Variants in ULK1 observed in about 807,000 individuals in gnomAD.
The protein encoded by ULK1 is unc-51 like autophagy activating kinase 1.
ULK1 carries 48 observed loss-of-function variants against 117.5 expected under a neutral mutation model. That is an observed-to-expected ratio of 0.41 (90% CI 0.32 to 0.52). The LOEUF (loss-of-function observed/expected upper bound fraction) is 0.52. ULK1 is among the 20% of genes least tolerant of loss of function. The pLI is 0.29. For missense variants in ULK1, 1,387 were observed against 1,473.4 expected (o/e 0.94, Z 0.96); for synonymous variants, 790 against 637.8 (o/e 1.24, Z -3.60).
intron 10 of ULK1, 51 bp downstream of exon 10, chr12:131,910,052 A>T (rs1566119934): frequency 6.2e-7 from 1 of 1,602,504 alleles, no homozygotes; most frequent in African/African-American, 1.3e-5. Context: ...CCTTCCTTGC[A>T]TTTGCTGATG....
At chr12:131,908,186 G>T (rs1436530900) in intron 5 of ULK1, among the ~76,000 whole-genome samples, 2 of 152,148 alleles carry the variant, frequency 1.3e-5, no homozygotes, top group Non-Finnish European at 2.9e-5. Context: ...GACAGGACCC[G>T]CTGGCCCCCT....
intron 3 of ULK1, among the ~76,000 whole-genome samples, chr12:131,905,094 C>G (rs1425593398): frequency 6.6e-6 from 1 of 152,150 alleles, no homozygotes; most frequent in East Asian, 1.9e-4. Context: ...CCCACCTTCT[C>G]TAGGCTGTGC....
In ULK1 at chr12:131,903,835, C is replaced by A. The variant is rs1566115645; in HGVS notation, c.247-3057C>A. 6.6e-6 allele frequency among the ~76,000 whole-genome samples: 1 copy of A among 152,106 alleles called. No individual in the cohort carries two copies. The highest frequency in any genetic ancestry group is 2.4e-5 in the African/African-American group (1 of 41,424). On this transcript the variant is annotated intron_variant, in intron 3 of 27. Coordinates refer to ENST00000321867, the MANE Select transcript of ULK1 (RefSeq NM_003565.4). The surrounding 1 kb of genome is among the most constrained non-coding windows in gnomAD (Gnocchi z 6.0). ...GCCCACTCCCTCCTGGGAGCTGGTG[C>A]CCCCTGAGGTTTTGGGGACAGAGGA...
intron 12 of ULK1, among the ~76,000 whole-genome samples, 192 bp downstream of exon 12, chr12:131,910,992 C>G (rs1384757349): frequency 6.6e-5 from 10 of 152,238 alleles, no homozygotes; most frequent in African/African-American, 1.9e-4. Flanking sequence ...ACCCACAGCC[C>G]TCAGGTCCCA....
chr12:131,894,635 G>C lies in ULK1; in HGVS notation c.-367G>C, dbSNP rs1038669987. On this transcript the variant is annotated 5_prime_UTR_variant, in exon 1 of 28. Coordinates refer to ENST00000321867, the MANE Select transcript of ULK1 (RefSeq NM_003565.4). Reference sequence around the variant, plus strand: ...GGCCCGGCGCGCAGTGCGGCTGCGCGGGCGTCTCAGGCTCTGAGGCCCGGG... The same window carrying C: ...GGCCCGGCGCGCAGTGCGGCTGCGCCGGCGTCTCAGGCTCTGAGGCCCGGG... 1 of 149,606 alleles carries C rather than the reference G, an allele frequency of 6.7e-6. No homozygotes were observed. Among genetic ancestry groups the C allele is most frequent in the South Asian group, 2.1e-4 (1 of 4,704 alleles). The allele number at this position is 149,606 out of a possible 1,614,324, so 9.3% of individuals were successfully genotyped here.
Position 131,919,542 on chromosome 12 carries a change from G to A in ULK1, c.2755G>A (p.Asp919Asn), listed in dbSNP as rs1487931866. Residue 919 changes from aspartate to asparagine, a missense_variant, in exon 25 of 28, where the codon GAC (aspartate) becomes AAC (asparagine). Asp to Asn is a conservative substitution (Grantham distance 23). Coordinates refer to ENST00000321867, the MANE Select transcript of ULK1 (RefSeq NM_003565.4). ...GTCCTCCGGCCTGCAAAGTGCCATC[G>A]ACCAGATCCGGGCCGGCAAGCTCTG... ...LLSSGLQSAI[D>N]QIRAGKLCLS... 26 of 1,612,080 alleles carry A rather than the reference G, an allele frequency of 1.6e-5. No individual in the cohort carries two copies. The highest frequency in any genetic ancestry group is 1.6e-4 in the Middle Eastern group (1 of 6,076).
chr12:131,916,521 G>C lies in ULK1; in HGVS notation c.2002G>C (p.Gly668Arg). 6.2e-7 allele frequency: 1 copy of C among 1,611,500 alleles called. No individual in the cohort carries two copies. The highest frequency in any genetic ancestry group is 8.5e-7 in the Non-Finnish European group (1 of 1,179,744). Reference protein sequence around the residue: ...NRTLPDLSEVGPFHGQPLGPG... With the variant: ...NRTLPDLSEVRPFHGQPLGPG... ...GACGCTGCCCGACCTCTCGGAGGTG[G>C]GACCCTTCCATGGTCAGCCGTTGGG... The change falls in exon 20 of 28, where the codon GGA becomes CGA. Residue 668 changes from glycine to arginine, a missense_variant. Transcript: ENST00000321867.
rs866623039 is a variant in ULK1 at position 131,908,808 on chromosome 12, G to A, written c.481G>A (p.Val161Ile). 3 of 1,606,006 alleles carry A rather than the reference G, an allele frequency of 1.9e-6. No homozygotes were observed. The highest frequency in any genetic ancestry group is 2.2e-5 in the East Asian group (1 of 44,638). Residue 161 changes from valine (V) to isoleucine (I), a missense_variant, in exon 6 of 28, where the codon GTC becomes ATC. Physicochemically the swap from Val to Ile is conservative, Grantham distance 29. This residue lies in a region of ULK1 where 224 missense variants were observed against 325.2 expected (regional missense o/e 0.69). Transcript: ENST00000321867. ...GRRANPNSIR[V>I]KIADFGFARY... The stretch of plus-strand genomic sequence containing the variant: ...CCGCGCCAACCCCAACAGCATCCGC[G>A]TCAAGATCGGTCAGCCCGCGGGCAG...
At chr12:131,909,475 C>T (rs1342659489) in intron 8 of ULK1, among the ~76,000 whole-genome samples, 1 of 152,096 alleles carries the variant, frequency 6.6e-6, no homozygotes, top group South Asian at 2.1e-4. Context: ...CCTGTCTGGT[C>T]GCCTGTCTAG....
At chr12:131,904,907 A>G (rs1889215140) in intron 3 of ULK1, among the ~76,000 whole-genome samples, 1 of 151,944 alleles carries the variant, frequency 6.6e-6, no homozygotes, top group Non-Finnish European at 1.5e-5. Flanking sequence ...TTCTGCCCGG[A>G]GCTGTCCCTG....
chr12:131,919,203 T>C lies in ULK1; in HGVS notation c.2512-9T>C. On this transcript the variant is annotated splice_polypyrimidine_tract_variant and intron_variant, in intron 23 of 27. Coordinates refer to ENST00000321867, the MANE Select transcript of ULK1 (RefSeq NM_003565.4). ...CAGCACTTGCCGCCCTGACGGCCGC[T>C]TCCTGCAGCAAGAGCACACGGAGAT... 6.3e-7 allele frequency: 1 copy of C among 1,589,062 alleles called. No individual in the cohort carries two copies.
intron 8 of ULK1, 123 bp downstream of exon 8, chr12:131,909,360 G>A (rs1889418955): frequency 6.1e-6 from 7 of 1,152,158 alleles, no homozygotes; most frequent in Non-Finnish European, 3.6e-6. Context: ...CCTGGCTGGC[G>A]GGGCGGGCGT....
intron 5 of ULK1, 91 bp downstream of exon 5, chr12:131,907,622 G>C (rs1593264323): frequency 2.0e-6 from 3 of 1,474,198 alleles, no homozygotes; most frequent in Non-Finnish European, 1.8e-6. Context: ...AGGCAGCCTG[G>C]CTCGAGTGGG....
Position 131,894,952 on chromosome 12 carries a change from C to A in ULK1, c.-50C>A, listed in dbSNP as rs1267359022. On this transcript the variant is annotated 5_prime_UTR_variant, in exon 1 of 28. Transcript: ENST00000321867. ...GGCCCGCGCCTCCGCCTGAGTCCCC[C>A]GCGCCTTGGCCCGCCACCCCCCGCC... 2.4e-6 allele frequency: 2 copies of A among 846,962 alleles called. No individual in the cohort carries two copies. Among genetic ancestry groups the A allele is most frequent in the South Asian group, 3.7e-5 (1 of 26,964 alleles). The allele number at this position is 846,962 out of a possible 1,614,324, so 52.5% of individuals were successfully genotyped here.
In ULK1 at chr12:131,921,100, G is replaced by A; in HGVS notation, c.2962G>A (p.Val988Met). The A allele has an allele frequency of 3.1e-6, 5 of 1,591,092 alleles. No homozygotes were observed. Among genetic ancestry groups the A allele is most frequent in the Admixed American group, 1.7e-5 (1 of 59,536 alleles). The part of the protein sequence containing the change: ...RLIFSHAVQM[V>M]QSAALDEMFQ... ...GTCCAGCCTCTGTCCTCGCCCCCAG[G>A]TGCAGTCGGCTGCCCTGGACGAGAT... Residue 988 changes from valine to methionine, a missense_variant and splice_region_variant, in exon 27 of 28, where the codon GTG becomes ATG. Around this residue, in one of 4 missense-constraint regions of ULK1, gnomAD observed 900 missense variants for 858.9 expected, o/e 1.05. Transcript: ENST00000321867.
rs932440808 is a variant in ULK1, at chr12:131,915,173, C to T, written c.1464C>T (p.Gly488=). 1.2e-5 allele frequency: 20 copies of T among 1,602,650 alleles called. No individual in the cohort carries two copies. The highest frequency in any genetic ancestry group is 3.4e-5 in the Admixed American group (2 of 58,086). The change falls in exon 17 of 28, where the codon GGC becomes GGT. Residue 488 remains glycine (G), a synonymous_variant. Coordinates refer to ENST00000321867, the MANE Select transcript of ULK1 (RefSeq NM_003565.4). ...PSPPAHAEHG[G]VLARKMSLGG... ...CCCCTGCCCACGCTGAGCATGGAGGCGTCCTGGCCAGGAAGATGTCTCTGG... is the reference window on the plus strand; with the variant it reads ...CCCCTGCCCACGCTGAGCATGGAGGTGTCCTGGCCAGGAAGATGTCTCTGG...
chr12:131,912,664 C>T (rs1013535635), intron 13 of ULK1, among the ~76,000 whole-genome samples: 1 of 152,246 alleles, frequency 6.6e-6, no homozygotes, highest in Non-Finnish European at 1.5e-5. Flanking sequence ...CATGCCGAGC[C>T]CTCCGCCTCT....
intron 5 of ULK1, among the ~76,000 whole-genome samples, chr12:131,907,893 T>C (rs1225301730): frequency 7.3e-6 from 1 of 137,350 alleles, no homozygotes; most frequent in Non-Finnish European, 1.6e-5. Flanking sequence ...GGGGATGTGC[T>C]GCACGGGGCG....
Position 131,903,058 on chromosome 12 carries a change from G to A in ULK1, c.247-3834G>A, listed in dbSNP as rs1190631068. 2.0e-5 allele frequency among the ~76,000 whole-genome samples: 3 copies of A among 152,114 alleles called. No individual in the cohort carries two copies. The highest frequency in any genetic ancestry group is 2.0e-4 in the Admixed American group (3 of 15,278). ...GGCCCAGGGGAGGTCAGCTGTGGCC[G>A]GTGAGGCTGTGCTCTCACCTGACCC... On this transcript the variant is annotated intron_variant, in intron 3 of 27. Coordinates refer to ENST00000321867, the MANE Select transcript of ULK1 (RefSeq NM_003565.4). The surrounding 1 kb of genome is among the most constrained non-coding windows in gnomAD (Gnocchi z 6.0).
Sources: gnomAD v4.1 joint callset for allele counts (sites outside exome capture counted in the v4.1 genomes callset) on GRCh38, gnomAD v4.1.1 for gene constraint, gnomAD v4.1.1 regional missense constraint, Gnocchi (gnomAD v3.1) non-coding constraint, MANE v1.5 for transcripts, NCBI Gene and HGNC (gene_info 2026-07-23, HGNC 2026-07-21) for gene names.